The following PCDHGA4 variants were observed in gnomAD, a reference collection of about 807,000 sequenced individuals.
PCDHGA4 encodes protocadherin gamma-A4.
In PCDHGA4, 38 loss-of-function variants were observed where a neutral mutation model predicts 54.6. The ratio of observed to expected loss-of-function variants is 0.70; its 90% confidence interval spans 0.54 to 0.91. PCDHGA4 has a LOEUF of 0.91. PCDHGA4 is among the 40% of genes least tolerant of loss of function. The pLI, the probability that PCDHGA4 is intolerant of heterozygous loss-of-function variation, is 0.00. For missense variants in PCDHGA4, 1,298 were observed against 1,220.9 expected (o/e 1.06, Z -0.94); for synonymous variants, 511 against 512.9 (o/e 1.00, Z 0.05).
intron 1 of PCDHGA4, among the ~76,000 whole-genome samples, chr5:141,472,026 G>C (rs2099269805): frequency 6.6e-6 from 1 of 152,108 alleles, no homozygotes; most frequent in Non-Finnish European, 1.5e-5. Context: ...ATTGTATGTA[G>C]AAAGCTGTGA....
chr5:141,405,638 CT>C lies in PCDHGA4; in HGVS notation c.2514+48018del. ...TACAGGCACGTGCCACCACGCCCGG[CT>C]AATTTTTTGTGTGTTTTTAGTAGAG... is the stretch of plus-strand genomic sequence containing the variant. On this transcript the variant is annotated intron_variant, in intron 1 of 3. Coordinates refer to ENST00000571252, the MANE Select transcript of PCDHGA4 (RefSeq NM_018917.4). 3 of 528,680 alleles carry C rather than the reference CT, an allele frequency of 5.7e-6. No individual in the cohort carries two copies. The East Asian group carries it at 9.4e-5, about 17-fold the overall frequency. 32.7% of individuals were successfully genotyped at this position (528,680 alleles called of 1,614,324 possible).
Position 141,511,207 on chromosome 5 carries a change from T to A in PCDHGA4, c.*34T>A, listed in dbSNP as rs773761839. ...CCAGGCCAAGAGCCACAGGGCGGCC[T>A]CTCCCCAACCAGCCCAGCTTCTCCT... On this transcript the variant is annotated 3_prime_UTR_variant, in exon 4 of 4. Transcript: ENST00000571252. 1 of 1,611,162 alleles carries A rather than the reference T, an allele frequency of 6.2e-7. No individual in the cohort carries two copies. The highest frequency in any genetic ancestry group is 1.1e-5 in the South Asian group (1 of 90,702).
chr5:141,355,068 T>C lies in PCDHGA4; in HGVS notation c.-40T>C, dbSNP rs544204227. ...ACAAAGCACTGGCTCTGGAGCTTTA[T>C]GAAAGCTTCAAGCGGAAGCCCTGAG... On this transcript the variant is annotated 5_prime_UTR_variant, in exon 1 of 4. An upstream start codon of the reference 5' UTR is lost. Transcript: ENST00000571252. 115 of 1,333,900 alleles carry C rather than the reference T, an allele frequency of 8.6e-5. 2 individuals carry two copies. The South Asian group carries it at 1.7e-3, about 20-fold the overall frequency. The allele number at this position is 1,333,900 out of a possible 1,614,324, so 82.6% of individuals were successfully genotyped here.
At chr5:141,410,124 G>T in intron 1 of PCDHGA4, 1 of 1,612,726 alleles carries the variant, frequency 6.2e-7, no homozygotes, top group South Asian at 1.1e-5. Flanking sequence ...GCCCGCCAGC[G>T]CCTGCTGGTC....
chr5:141,401,408 A>T (rs943963302), intron 1 of PCDHGA4, among the ~76,000 whole-genome samples: 9 of 152,200 alleles, frequency 5.9e-5, no homozygotes, highest in African/African-American at 1.7e-4. Context: ...TATGAGAGAG[A>T]AAGAGAGAGA....
intron 1 of PCDHGA4, chr5:141,428,404 T>A (rs375988962): frequency 2.3e-5 from 11 of 476,688 alleles, no homozygotes; most frequent in East Asian, 2.1e-4. Flanking sequence ...TGCCTGGGGT[T>A]GCTTTCACCC....
chr5:141,422,052 CG>C (rs1282698929), intron 1 of PCDHGA4: 1 of 1,611,298 alleles, frequency 6.2e-7, no homozygotes, highest in South Asian at 1.1e-5. Context: ...AGGGAATCAA[CG>C]GGGAAGTAAT....
chr5:141,485,689 G>A lies in PCDHGA4; in HGVS notation c.2515-9118G>A. On this transcript the variant is annotated intron_variant, in intron 1 of 3. Transcript: ENST00000571252. This position sits in a 1 kb window ranked among gnomAD's most constrained non-coding sequence, Gnocchi z 5.7. ...GCAATTCGATTAGCAGCTATAGGCT[G>A]AGCTCCAATGAACACTTTGCACTGG... The A allele has an allele frequency of 6.2e-7, 1 of 1,614,086 alleles. No individual in the cohort carries two copies. The highest frequency in any genetic ancestry group is 8.5e-7 in the Non-Finnish European group (1 of 1,179,970).
chr5:141,467,908 C>G (rs2099154038), intron 1 of PCDHGA4, among the ~76,000 whole-genome samples: 1 of 152,172 alleles, frequency 6.6e-6, no homozygotes, highest in Non-Finnish European at 1.5e-5. Flanking sequence ...ATCCGCCCAC[C>G]TCAGCCTCCC....
intron 2 of PCDHGA4, among the ~76,000 whole-genome samples, chr5:141,503,166 A>T (rs1246987375): frequency 1.3e-5 from 2 of 151,884 alleles, no homozygotes; most frequent in Admixed American, 1.3e-4. Context: ...CACAATTGCA[A>T]TTACTCTATT....
chr5:141,409,055 G>A lies in PCDHGA4; in HGVS notation c.2514+51434G>A, dbSNP rs141881204. The A allele has an allele frequency of 7.2e-5, 117 of 1,614,038 alleles. No individual in the cohort carries two copies. Among genetic ancestry groups the A allele is most frequent in the Admixed American group, 5.0e-4 (30 of 60,032 alleles). On this transcript the variant is annotated intron_variant, in intron 1 of 3. Coordinates refer to ENST00000571252, the MANE Select transcript of PCDHGA4 (RefSeq NM_018917.4). ...GATAAACTACTACTTCCGAAGCACT[G>A]CCCAGAGCACAAAACATATGTTCTC...
intron 3 of PCDHGA4, 119 bp downstream of exon 3, chr5:141,505,600 G>T: frequency 1.3e-6 from 2 of 1,554,224 alleles, no homozygotes; most frequent in Middle Eastern, 3.4e-4. Context: ...AGATCTTTCG[G>T]CAGGTCTGAA....
chr5:141,360,354 A>G (rs757199550), intron 1 of PCDHGA4: 8 of 1,613,944 alleles, frequency 5.0e-6, no homozygotes, highest in Non-Finnish European at 6.8e-6. Context: ...CGGAGAAGGA[A>G]TATTTCACAG....
chr5:141,356,535 C>G lies in PCDHGA4; in HGVS notation c.1428C>G (p.Ile476Met), dbSNP rs777731122. 6.2e-7 allele frequency: 1 copy of G among 1,614,054 alleles called. No homozygotes were observed. Among genetic ancestry groups the G allele is most frequent in the Non-Finnish European group, 8.5e-7 (1 of 1,179,926 alleles). ...ETHISLQVMD[I>M]NDNPPTFPHA... The stretch of plus-strand genomic sequence containing the variant: ...ATATTTCACTGCAAGTGATGGACAT[C>G]AATGACAACCCACCCACTTTCCCTC... The change falls in exon 1 of 4, where the codon ATC (isoleucine) becomes ATG (methionine). Residue 476 changes from isoleucine to methionine, a missense_variant. Ile to Met is a conservative substitution (Grantham distance 10). Transcript: ENST00000571252.
chr5:141,471,408 T>C (rs951728688), intron 1 of PCDHGA4: 1 of 152,166 alleles, frequency 6.6e-6, no homozygotes, highest in Non-Finnish European at 1.5e-5. Flanking sequence ...CTAGGCTTAG[T>C]TATGTTTTTA....
chr5:141,374,352 T>C lies in PCDHGA4; in HGVS notation c.2514+16731T>C, dbSNP rs1288920388. The C allele has an allele frequency of 4.3e-6, 7 of 1,614,010 alleles. No homozygotes were observed. The Admixed American group carries it at 5.0e-5, about 12-fold the overall frequency. On this transcript the variant is annotated intron_variant, in intron 1 of 3. Transcript: ENST00000571252. ...GGCAGCTTGGTCACCGCGGGTAGGA[T>C]AGACCGCGAGGAGCTCTGTGCTCAG...
intron 1 of PCDHGA4, chr5:141,384,966 C>A: frequency 6.2e-7 from 1 of 1,614,142 alleles, no homozygotes; most frequent in South Asian, 1.1e-5. Flanking sequence ...ACTATGACCT[C>A]ACGTTGTACC....
At chr5:141,447,938 T>G in intron 1 of PCDHGA4, among the ~76,000 whole-genome samples, 1 of 151,870 alleles carries the variant, frequency 6.6e-6, no homozygotes, top group Admixed American at 6.6e-5. Flanking sequence ...ATACAAAAAT[T>G]AGCTGGGCAT....
At chr5:141,428,147 G>T (rs771536400) in intron 1 of PCDHGA4, 1 of 1,589,612 alleles carries the variant, frequency 6.3e-7, no homozygotes, top group South Asian at 1.1e-5. Flanking sequence ...GGCTGCACAC[G>T]GGAACCTGCT....
Sources: allele counts gnomAD v4.1 joint callset (sites outside exome capture counted in the v4.1 genomes callset), GRCh38; gene constraint gnomAD v4.1.1; non-coding constraint Gnocchi (gnomAD v3.1); transcripts MANE v1.5; gene names NCBI Gene and HGNC (gene_info 2026-07-23, HGNC 2026-07-21).